SUSD4: variants seen among roughly 807,000 people sequenced by gnomAD.
SUSD4 encodes sushi domain-containing protein 4.
SUSD4 carries 41 observed loss-of-function variants against 50.5 expected under a neutral mutation model. That is an observed-to-expected ratio of 0.81 (90% CI 0.63 to 1.05). The LOEUF (loss-of-function observed/expected upper bound fraction) is 1.05, where lower values mean the gene tolerates loss of function less well. Ranked by LOEUF, SUSD4 falls within the 50% of genes least tolerant of loss-of-function variation. SUSD4 has a pLI of 0.00. For missense variants in SUSD4, 580 were observed against 634.7 expected, an observed-to-expected ratio of 0.91 and a Z score of 0.93; for synonymous variants, 257 against 257.3, an observed-to-expected ratio of 1.00 and a Z score of 0.01.
chr1:223,244,619 C>A, intron 5 of SUSD4, among the ~76,000 whole-genome samples: 1 of 152,098 alleles, frequency 6.6e-6, no homozygotes, highest in East Asian at 1.9e-4. Flanking sequence ...CCTGATGCTA[C>A]AGATTGGATT....
chr1:223,229,065 T>G lies in SUSD4; in HGVS notation c.916+132A>C. 1.1e-6 allele frequency: 1 copy of G among 921,714 alleles called. No homozygotes were observed. The highest frequency in any genetic ancestry group is 1.6e-6 in the Non-Finnish European group (1 of 616,538). 57.1% of individuals were successfully genotyped at this position (921,714 alleles called of 1,614,324 possible). ...CAGCAGCCCCATCGACCCGCAATGATATGTTTCGATATCCTGTTCCTGACA... is the reference window on the plus strand; with the variant it reads ...CAGCAGCCCCATCGACCCGCAATGAGATGTTTCGATATCCTGTTCCTGACA... On this transcript the variant is annotated intron_variant, in intron 6 of 8. Transcript: ENST00000366878. This position sits in a 1 kb window ranked among gnomAD's most constrained non-coding sequence, Gnocchi z 4.7.
chr1:223,279,701 A>G (rs562509026), intron 3 of SUSD4, among the ~76,000 whole-genome samples: 75 of 152,326 alleles, frequency 4.9e-4, no homozygotes, highest in African/African-American at 1.6e-3. Context: ...CATTCTAGCA[A>G]GGCAGGCCAA....
At chr1:223,342,189 A>T (rs929851824) in intron 2 of SUSD4, among the ~76,000 whole-genome samples, 1 of 152,156 alleles carries the variant, frequency 6.6e-6, no homozygotes, top group Non-Finnish European at 1.5e-5. Context: ...TCAGTGTCCT[A>T]CTGTTTCTCT....
chr1:223,269,244 G>A (rs1279613987), intron 3 of SUSD4, among the ~76,000 whole-genome samples: 2 of 152,202 alleles, frequency 1.3e-5, no homozygotes, highest in African/African-American at 4.8e-5. Flanking sequence ...AACAGATAGA[G>A]CAGCACACAC....
At chr1:223,329,889 G>T (rs976061902) in intron 2 of SUSD4, among the ~76,000 whole-genome samples, 2 of 152,188 alleles carry the variant, frequency 1.3e-5, no homozygotes, top group Non-Finnish European at 2.9e-5. Context: ...TGGCTGAATG[G>T]CAGTATAGAT....
intron 3 of SUSD4, among the ~76,000 whole-genome samples, chr1:223,286,852 C>T (rs1419977498): frequency 3.3e-5 from 5 of 152,188 alleles, no homozygotes; most frequent in Admixed American, 6.5e-5. Flanking sequence ...AGAGAAGCAC[C>T]GCAAGGTTGG....
In SUSD4 at chr1:223,316,618, G is replaced by T. The variant is rs78976679; in HGVS notation, c.149-23967C>A. Reference sequence around the variant, plus strand: ...TGCTCCCCCATTCAAAAGGACTTCTGCCAGGTCCAGGATGGAACTACTAGG... The same window carrying T: ...TGCTCCCCCATTCAAAAGGACTTCTTCCAGGTCCAGGATGGAACTACTAGG... On this transcript the variant is annotated intron_variant, in intron 2 of 8. Transcript: ENST00000366878. Among the ~76,000 whole-genome samples the T allele has an allele frequency of 8.5e-5, 13 of 152,282 alleles. No homozygotes were observed. In the East Asian group the frequency reaches 2.1e-3, roughly 25 times the overall value.
At chr1:223,280,780 A>G (rs1663659667) in intron 3 of SUSD4, among the ~76,000 whole-genome samples, 1 of 152,172 alleles carries the variant, frequency 6.6e-6, no homozygotes, top group Non-Finnish European at 1.5e-5. Flanking sequence ...TCAACAGAAT[A>G]TACATTCTTT....
chr1:223,260,462 G>A (rs1478816491), intron 5 of SUSD4, among the ~76,000 whole-genome samples: 1 of 152,126 alleles, frequency 6.6e-6, no homozygotes, highest in Non-Finnish European at 1.5e-5. Context: ...GTGTGTGCAC[G>A]CACATGAAAG....
chr1:223,244,033 AT>A (rs1386353296), intron 5 of SUSD4, among the ~76,000 whole-genome samples: 3 of 152,336 alleles, frequency 2.0e-5, no homozygotes, highest in Non-Finnish European at 4.4e-5. Flanking sequence ...CAGATGATAA[AT>A]AAGTAAACGC....
chr1:223,304,787 G>A, intron 2 of SUSD4, among the ~76,000 whole-genome samples: 1 of 79,656 alleles, frequency 1.3e-5, no homozygotes. Context: ...CTGTGTCTCA[G>A]GTTTCCATAT....
In SUSD4 at chr1:223,279,887, C is replaced by T. The variant is rs539072078; in HGVS notation, c.362-11212G>A. Among the ~76,000 whole-genome samples the T allele has an allele frequency of 4.6e-5, 7 of 152,352 alleles. No homozygotes were observed. In the South Asian group the frequency reaches 1.4e-3, roughly 32 times the overall value. On this transcript the variant is annotated intron_variant, in intron 3 of 8. Coordinates refer to ENST00000366878, the MANE Select transcript of SUSD4 (RefSeq NM_017982.4). ...GAAACCCATCAGACTAACAGCGGAT[C>T]TCTCGGCAGAAACTATGAGCCAGAA...
At chr1:223,267,100 T>C (rs1038389014) in intron 4 of SUSD4, among the ~76,000 whole-genome samples, 1 of 152,208 alleles carries the variant, frequency 6.6e-6, no homozygotes, top group Non-Finnish European at 1.5e-5. Context: ...AGAAAAACTA[T>C]GTCTTGACTG....
intron 3 of SUSD4, among the ~76,000 whole-genome samples, chr1:223,280,560 A>G (rs1314439114): frequency 1.3e-5 from 2 of 152,228 alleles, no homozygotes; most frequent in Non-Finnish European, 2.9e-5. Flanking sequence ...ACATGCACGC[A>G]ATACAGGAGC....
At position 223,227,647 on chromosome 1, in the gene SUSD4, G is replaced by A. The variant is rs1304703355; in HGVS notation, c.1008C>T (p.Leu336=). The change falls in exon 7 of 9, where the codon CTC becomes CTT. Residue 336 remains leucine (L), a synonymous_variant. Coordinates refer to ENST00000366878, the MANE Select transcript of SUSD4 (RefSeq NM_017982.4). This position sits in a 1 kb window ranked among gnomAD's most constrained non-coding sequence, Gnocchi z 4.5. ...TCTGGAACATCCTGGCCAGGATGACGAGCAGCAGCACCAGCAGCACACTGG... is the reference window on the plus strand; with the variant it reads ...TCTGGAACATCCTGGCCAGGATGACAAGCAGCAGCACCAGCAGCACACTGG... ...TATSVLLVLL[L]VILARMFQTK... 5 of 1,613,912 alleles carry A rather than the reference G, an allele frequency of 3.1e-6. No individual in the cohort carries two copies. The highest frequency in any genetic ancestry group is 1.1e-5 in the South Asian group (1 of 90,996).
intron 3 of SUSD4, among the ~76,000 whole-genome samples, chr1:223,285,635 A>G (rs1664086564): frequency 6.6e-6 from 1 of 152,226 alleles, no homozygotes; most frequent in Non-Finnish European, 1.5e-5. Context: ...CATGGTTCAC[A>G]TATACCATGA....
intron 3 of SUSD4, among the ~76,000 whole-genome samples, chr1:223,280,199 T>A (rs1418121440): frequency 2.0e-5 from 3 of 152,142 alleles, no homozygotes; most frequent in African/African-American, 7.2e-5. Flanking sequence ...AATAACCAGC[T>A]AACATCATAA....
chr1:223,351,591 G>A (rs1668368563), intron 2 of SUSD4, among the ~76,000 whole-genome samples: 1 of 152,186 alleles, frequency 6.6e-6, no homozygotes, highest in Non-Finnish European at 1.5e-5. Flanking sequence ...GAAGCTGACA[G>A]AGGGGCGCCC....
chr1:223,229,076 A>G lies in SUSD4; in HGVS notation c.916+121T>C, dbSNP rs1332377240. On this transcript the variant is annotated intron_variant, in intron 6 of 8. Transcript: ENST00000366878. The surrounding 1 kb of genome is among the most constrained non-coding windows in gnomAD (Gnocchi z 4.7). ...TCGACCCGCAATGATATGTTTCGATATCCTGTTCCTGACACTGGGTGGGGG... is the reference window on the plus strand; with the variant it reads ...TCGACCCGCAATGATATGTTTCGATGTCCTGTTCCTGACACTGGGTGGGGG... The G allele has an allele frequency of 2.9e-6, 3 of 1,042,416 alleles. No individual in the cohort carries two copies. The Admixed American group carries it at 6.7e-5, about 23-fold the overall frequency. 64.6% of individuals were successfully genotyped at this position (1,042,416 alleles called of 1,614,324 possible).
Sources: allele counts gnomAD v4.1 joint callset (sites outside exome capture counted in the v4.1 genomes callset), GRCh38; gene constraint gnomAD v4.1.1; non-coding constraint Gnocchi (gnomAD v3.1); transcripts MANE v1.5; gene names NCBI Gene and HGNC (gene_info 2026-07-23, HGNC 2026-07-21).